Variants in FBXO5 observed in about 807,000 individuals in gnomAD.
The protein encoded by FBXO5 is F-box only protein 5.
In FBXO5, 8 loss-of-function variants were observed where a neutral mutation model predicts 43.3. The observed-to-expected ratio is 0.18, with a 90% CI of 0.11 to 0.33. The LOEUF is 0.33. Among genes scored for constraint, FBXO5 ranks in the 10% least tolerant of loss-of-function variants. The pLI, the probability that FBXO5 is intolerant of heterozygous loss-of-function variation, is 1.00. For synonymous variants in FBXO5, 204 were observed against 193.7 expected (o/e 1.05, Z -0.44); for missense variants, 491 against 535.7 (o/e 0.92, Z 0.82).
chr6:152,980,752 GAAGAA>G (rs1778247706), intron 1 of FBXO5, among the ~76,000 whole-genome samples: 1 of 152,168 alleles, frequency 6.6e-6, no homozygotes, highest in Non-Finnish European at 1.5e-5. Flanking sequence ...ATCTGGATAT[GAAGAA>G]AAGGAGAGTA....
At position 152,983,006 on chromosome 6, in the gene FBXO5, G is replaced by C. The variant is rs1006723120; in HGVS notation, c.-47C>G. On this transcript the variant is annotated 5_prime_UTR_variant, in exon 1 of 5. Transcript: ENST00000229758. ...CTCAGGTGGAGGAACCGCTCCGGGG[G>C]CAGCTGAGCAACCTGCCTGCTTCAC... 1 of 1,201,316 alleles carries C rather than the reference G, an allele frequency of 8.3e-7. No individual in the cohort carries two copies. Among genetic ancestry groups the C allele is most frequent in the Non-Finnish European group, 1.1e-6 (1 of 918,788 alleles). 74.4% of individuals were successfully genotyped at this position (1,201,316 alleles called of 1,614,324 possible).
At position 152,982,929 on chromosome 6, in the gene FBXO5, G is replaced by T. The variant is rs1399680896; in HGVS notation, c.31C>A (p.Arg11=). The change falls in exon 1 of 5, where the codon CGG becomes AGG. Residue 11 remains arginine, a synonymous_variant. Coordinates refer to ENST00000229758, the MANE Select transcript of FBXO5 (RefSeq NM_012177.5). MSRRPCSCAL[R]PPRCSCSASP... ...GCGCTGCAGGAGCAGCGGGGTGGCC[G>T]TAGGGCGCAGCTGCAGGGGCGCCGG... The T allele has an allele frequency of 2.1e-6, 3 of 1,448,154 alleles. No homozygotes were observed. Among genetic ancestry groups the T allele is most frequent in the Non-Finnish European group, 2.7e-6 (3 of 1,109,348 alleles). 89.7% of individuals were successfully genotyped at this position (1,448,154 alleles called of 1,614,324 possible).
chr6:152,975,564 T>C lies in FBXO5; in HGVS notation c.161A>G (p.Asn54Ser), dbSNP rs376886889. The C allele has an allele frequency of 3.7e-6, 6 of 1,611,028 alleles. No individual in the cohort carries two copies. The African/African-American group carries it at 4.0e-5, about 11-fold the overall frequency. The stretch of plus-strand genomic sequence containing the variant: ...CAGTTTAAGTCCGGAATGAACATGG[T>C]TACAATTAAAATCACACTTCATTTT... ...SVKMKCDFNC[N>S]HVHSGLKLVK... The change falls in exon 2 of 5, where the codon AAC becomes AGC. Residue 54 changes from asparagine to serine, a missense_variant. Coordinates refer to ENST00000229758, the MANE Select transcript of FBXO5 (RefSeq NM_012177.5).
rs1025760121 is a variant in FBXO5, at chr6:152,975,563, G to T, written c.162C>A (p.Asn54Lys). The change falls in exon 2 of 5, where the codon AAC becomes AAA. Residue 54 changes from asparagine (N) to lysine (K), a missense_variant. Physicochemically the swap from Asn to Lys is moderately conservative, Grantham distance 94. Transcript: ENST00000229758. Reference sequence around the variant, plus strand: ...CCAGTTTAAGTCCGGAATGAACATGGTTACAATTAAAATCACACTTCATTT... The same window carrying T: ...CCAGTTTAAGTCCGGAATGAACATGTTTACAATTAAAATCACACTTCATTT... Reference protein sequence around the residue: ...SVKMKCDFNCNHVHSGLKLVK... With the variant: ...SVKMKCDFNCKHVHSGLKLVK... 3.7e-6 allele frequency: 6 copies of T among 1,611,040 alleles called. No individual in the cohort carries two copies. In the African/African-American group the frequency reaches 4.0e-5, roughly 11 times the overall value.
chr6:152,976,831 C>G (rs1778175908), intron 1 of FBXO5, among the ~76,000 whole-genome samples: 1 of 152,190 alleles, frequency 6.6e-6, no homozygotes, highest in South Asian at 2.1e-4. Context: ...CATCCCTGTG[C>G]TACAGACATT....
At chr6:152,972,672 G>T in intron 3 of FBXO5, 1 of 505,414 alleles carries the variant, frequency 2.0e-6, no homozygotes. Flanking sequence ...CAAATACTAT[G>T]GGAAATCACT....
intron 1 of FBXO5, among the ~76,000 whole-genome samples, chr6:152,981,256 TAGAGA>T (rs1336320887): frequency 6.6e-6 from 1 of 152,230 alleles, no homozygotes; most frequent in Non-Finnish European, 1.5e-5. Context: ...CCCAGTCATA[TAGAGA>T]AAAGTAAATT....
intron 2 of FBXO5, among the ~76,000 whole-genome samples, chr6:152,974,686 A>T (rs1778136735): frequency 6.6e-6 from 1 of 152,208 alleles, no homozygotes; most frequent in South Asian, 2.1e-4. Context: ...ACATTGGAGC[A>T]CTTGCGGATT....
Position 152,983,012 on chromosome 6 carries a change from G to A in FBXO5, c.-53C>T. 8.9e-7 allele frequency: 1 copy of A among 1,129,004 alleles called. No homozygotes were observed. Among genetic ancestry groups the A allele is most frequent in the Non-Finnish European group, 1.2e-6 (1 of 853,176 alleles). 69.9% of individuals were successfully genotyped at this position (1,129,004 alleles called of 1,614,324 possible). A position where few individuals can be genotyped will look rare whatever the true frequency, so the allele number is the denominator to read the frequency against. On this transcript the variant is annotated 5_prime_UTR_variant, in exon 1 of 5. Coordinates refer to ENST00000229758, the MANE Select transcript of FBXO5 (RefSeq NM_012177.5). The stretch of plus-strand genomic sequence containing the variant: ...TGGAGGAACCGCTCCGGGGGCAGCT[G>A]AGCAACCTGCCTGCTTCACAGACCT...
chr6:152,979,388 C>T (rs1416589680), intron 1 of FBXO5, among the ~76,000 whole-genome samples: 1 of 152,152 alleles, frequency 6.6e-6, no homozygotes, highest in Non-Finnish European at 1.5e-5. Context: ...TTTTTCTCAG[C>T]CTTAGTCTGG....
rs1368799085 is a variant in FBXO5, at chr6:152,975,181, T to A, written c.544A>T (p.Ser182Cys). 1 of 1,614,212 alleles carries A rather than the reference T, an allele frequency of 6.2e-7. No homozygotes were observed. Among genetic ancestry groups the A allele is most frequent in the Admixed American group, 1.7e-5 (1 of 60,034 alleles). Residue 182 changes from serine to cysteine, a missense_variant, in exon 2 of 5, where the codon AGC becomes TGC. Coordinates refer to ENST00000229758, the MANE Select transcript of FBXO5 (RefSeq NM_012177.5). ...TTTTTGTTGGGATATTGGTCTGGGC[T>A]TTGTATTTGTAGCAGGCAGGATTGT... ...SLQSCLLQIQSPDQYPNKNLL... is the reference protein window; with the variant it reads ...SLQSCLLQIQCPDQYPNKNLL...
At chr6:152,975,657 A>G in intron 1 of FBXO5, 36 bp from the exon 2 acceptor site, 3 of 1,388,256 alleles carry the variant, frequency 2.2e-6, no homozygotes, top group Non-Finnish European at 2.0e-6. Flanking sequence ...TCTTAATGGC[A>G]AAATTTCCAC....
chr6:152,975,011 T>C lies in FBXO5; in HGVS notation c.714A>G (p.Lys238=), dbSNP rs1030948525. 6.2e-7 allele frequency: 1 copy of C among 1,614,028 alleles called. No homozygotes were observed. The highest frequency in any genetic ancestry group is 8.5e-7 in the Non-Finnish European group (1 of 1,180,034). The change falls in exon 2 of 5, where the codon AAA becomes AAG. Residue 238 remains lysine (K), a synonymous_variant. Coordinates refer to ENST00000229758, the MANE Select transcript of FBXO5 (RefSeq NM_012177.5). ...GAATATCTACACATTCTAGGCCCAT[T>C]TTTCTGCCAATTATATTCTGCAGTC... ...NFRLQNIIGR[K]MGLECVDILS...
At chr6:152,971,549 G>T in intron 4 of FBXO5, 135 bp from the exon 5 acceptor site, 1 of 838,554 alleles carries the variant, frequency 1.2e-6, no homozygotes, top group Non-Finnish European at 1.8e-6. Context: ...GATAACTACT[G>T]CCCTAACTAT....
chr6:152,971,528 G>GTCC (rs1778085331), intron 4 of FBXO5, 114 bp from the exon 5 acceptor site: 2 of 1,041,488 alleles, frequency 1.9e-6, no homozygotes, highest in Non-Finnish European at 2.7e-6. Context: ...AAATATCACT[G>GTCC]TCACACATAC....
intron 1 of FBXO5, among the ~76,000 whole-genome samples, chr6:152,977,309 AC>A (rs146509715): frequency 0.078 from 11,908 of 152,278 alleles, 564 homozygotes; most frequent in Admixed American, 0.17. Context: ...GTAAATGTAT[AC>A]AGCATCAGTA....
chr6:152,971,692 C>T (rs1393302193), intron 4 of FBXO5, among the ~76,000 whole-genome samples: 2 of 152,102 alleles, frequency 1.3e-5, no homozygotes, highest in Non-Finnish European at 2.9e-5. Context: ...TACTGATCAA[C>T]ATGAATCAGA....
At chr6:152,979,395 C>G (rs1163904146) in intron 1 of FBXO5, among the ~76,000 whole-genome samples, 1 of 152,176 alleles carries the variant, frequency 6.6e-6, no homozygotes, top group African/African-American at 2.4e-5. Flanking sequence ...CAGCCTTAGT[C>G]TGGGGCTGTG....
intron 1 of FBXO5, among the ~76,000 whole-genome samples, chr6:152,982,261 C>T (rs1310360710): frequency 2.0e-5 from 3 of 152,128 alleles, no homozygotes; most frequent in Admixed American, 6.5e-5. Flanking sequence ...ATCGGTGGGG[C>T]TGCCCCTCAG....
Sources: allele counts gnomAD v4.1 joint callset (sites outside exome capture counted in the v4.1 genomes callset), GRCh38; gene constraint gnomAD v4.1.1; transcripts MANE v1.5; gene names NCBI Gene and HGNC (gene_info 2026-07-23, HGNC 2026-07-21).